The following MTUS1 variants were observed in gnomAD, a reference collection of about 807,000 sequenced individuals.
The protein encoded by MTUS1 is microtubule associated scaffold protein 1.
In MTUS1, 109 loss-of-function variants were observed where a neutral mutation model predicts 120.8. The ratio of observed to expected loss-of-function variants is 0.90; its 90% confidence interval spans 0.77 to 1.06. The LOEUF (loss-of-function observed/expected upper bound fraction) is 1.06, where lower values mean the gene tolerates loss of function less well. Among genes scored for constraint, MTUS1 ranks in the 50% least tolerant of loss-of-function variants. The pLI is 0.00. For synonymous variants in MTUS1, 737 were observed against 550.5 expected, an observed-to-expected ratio of 1.34 and a Z score of -4.74; for missense variants, 2,210 against 1,486.3, an observed-to-expected ratio of 1.49 and a Z score of -8.01.
At chr8:17,769,350 T>G (rs1161239100) in intron 1 of MTUS1, among the ~76,000 whole-genome samples, 1 of 147,820 alleles carries the variant, frequency 6.8e-6, no homozygotes, top group Non-Finnish European at 1.5e-5. Flanking sequence ...TCAGTAATTT[T>G]TTTTTTTTTT....
rs905903746 is a variant in MTUS1, at chr8:17,755,573, C to T, written c.235G>A (p.Val79Ile). 10 of 1,614,092 alleles carry T rather than the reference C, an allele frequency of 6.2e-6. No homozygotes were observed. Among genetic ancestry groups the T allele is most frequent in the Non-Finnish European group, 8.5e-6 (10 of 1,180,038 alleles). ...CTAGAAGACTTTTCATGACCAAATACTTCAACACCCTGAAGGCTTAAAGAA... is the reference window on the plus strand; with the variant it reads ...CTAGAAGACTTTTCATGACCAAATATTTCAACACCCTGAAGGCTTAAAGAA... The part of the protein sequence containing the change: ...NISLSLQGVE[V>I]FGHEKSSSDF... Residue 79 changes from valine to isoleucine, a missense_variant, in exon 2 of 15, where the codon GTA becomes ATA. Physicochemically the swap from Val to Ile is conservative, Grantham distance 29. Coordinates refer to ENST00000693296, the MANE Select transcript of MTUS1 (RefSeq NM_001363059.2).
chr8:17,738,015 T>G (rs983920359), intron 3 of MTUS1, among the ~76,000 whole-genome samples: 1 of 152,172 alleles, frequency 6.6e-6, no homozygotes. Flanking sequence ...GGAAATAACT[T>G]AGCAAGAAAG....
chr8:17,714,541 T>A (rs1347280788), intron 5 of MTUS1, among the ~76,000 whole-genome samples: 1 of 152,128 alleles, frequency 6.6e-6, no homozygotes, highest in East Asian at 1.9e-4. Flanking sequence ...CCAATAAAAG[T>A]CAGAAGTTGC....
Position 17,645,719 on chromosome 8 carries a change from T to G in MTUS1, c.*207A>C. On this transcript the variant is annotated 3_prime_UTR_variant, in exon 15 of 15. Transcript: ENST00000693296. ...CCGAAATCTTTTTTTAAATCTTTTT[T>G]TGGAGGAATCTTTTGGACGGAGGCA... 3.5e-6 allele frequency: 2 copies of G among 563,904 alleles called. No homozygotes were observed. The highest frequency in any genetic ancestry group is 2.9e-6 in the Non-Finnish European group (1 of 349,920). 34.9% of individuals were successfully genotyped at this position (563,904 alleles called of 1,614,324 possible).
Position 17,755,020 on chromosome 8 carries a change from T to C in MTUS1, c.788A>G (p.Gln263Arg). ...GACCTTTCCTGAAGAACATGCACAC[T>C]GATTTCCAATATCTGAAACAAAAAC... ...SEVFVSDIGN[Q>R]CACSSGKVTS... Residue 263 changes from glutamine (Q) to arginine (R), a missense_variant, in exon 2 of 15, where the codon CAG becomes CGG. Transcript: ENST00000693296. The C allele has an allele frequency of 6.2e-7, 1 of 1,614,022 alleles. No individual in the cohort carries two copies. Among genetic ancestry groups the C allele is most frequent in the East Asian group, 2.2e-5 (1 of 44,892 alleles).
chr8:17,777,755 A>G (rs1443683270), intron 1 of MTUS1, among the ~76,000 whole-genome samples: 1 of 152,206 alleles, frequency 6.6e-6, no homozygotes, highest in African/African-American at 2.4e-5. Context: ...ACTTTCCATT[A>G]AGAGTCTCAA....
intron 1 of MTUS1, among the ~76,000 whole-genome samples, chr8:17,787,888 A>C (rs555186119): frequency 3.7e-4 from 56 of 152,372 alleles, no homozygotes; most frequent in African/African-American, 1.3e-3. Flanking sequence ...CGGGAGGCCG[A>C]GGCAGGCGGA....
At chr8:17,798,227 G>C (rs1015258646) in intron 1 of MTUS1, among the ~76,000 whole-genome samples, 1 of 152,102 alleles carries the variant, frequency 6.6e-6, no homozygotes, top group Non-Finnish European at 1.5e-5. Flanking sequence ...GTATATACCA[G>C]GCCCAGTGGC....
intron 7 of MTUS1, among the ~76,000 whole-genome samples, chr8:17,679,487 T>TTTTATTTA (rs869060972): frequency 5.6e-4 from 18 of 32,380 alleles, no homozygotes; most frequent in Admixed American, 9.9e-4. Flanking sequence ...ACTATTTTTA[T>TTTTATTTA]TTTATTTATT....
rs1347010664 is a variant in MTUS1, at chr8:17,645,727, A to ATCTT, written c.*195_*198dup. 1.0e-5 allele frequency: 6 copies of ATCTT among 577,880 alleles called. No individual in the cohort carries two copies. The East Asian group carries it at 2.0e-4, about 19-fold the overall frequency. The allele number at this position is 577,880 out of a possible 1,614,324, so 35.8% of individuals were successfully genotyped here. On this transcript the variant is annotated 3_prime_UTR_variant, in exon 15 of 15. Coordinates refer to ENST00000693296, the MANE Select transcript of MTUS1 (RefSeq NM_001363059.2). ...TTTTTTTAAATCTTTTTTTGGAGGA[A>ATCTT]TCTTTTGGACGGAGGCAAAAGTCTT...
chr8:17,736,583 ATTTTT>A (rs1209402260), intron 3 of MTUS1, among the ~76,000 whole-genome samples: 1 of 150,410 alleles, frequency 6.6e-6, no homozygotes, highest in East Asian at 1.9e-4. Flanking sequence ...ATTTTATTTT[ATTTTT>A]TGCTTGTTTT....
At chr8:17,770,495 T>C (rs1467210466) in intron 1 of MTUS1, 1 of 152,218 alleles carries the variant, frequency 6.6e-6, no homozygotes, top group Admixed American at 6.5e-5. Flanking sequence ...ATTCGAGTTA[T>C]CTGTCCAAAC....
intron 2 of MTUS1, among the ~76,000 whole-genome samples, chr8:17,749,959 C>T (rs530867732): frequency 1.2e-4 from 18 of 152,066 alleles, no homozygotes; most frequent in East Asian, 5.8e-4. Flanking sequence ...TTTTTTGACA[C>T]AAAGAACAAC....
intron 6 of MTUS1, among the ~76,000 whole-genome samples, chr8:17,688,417 A>G (rs541460238): frequency 3.9e-4 from 60 of 152,334 alleles, no homozygotes; most frequent in African/African-American, 1.3e-3. Context: ...TATCTGTAAA[A>G]AGGTGACAGT....
At chr8:17,659,503 T>C (rs1429054456) in intron 8 of MTUS1, among the ~76,000 whole-genome samples, 3 of 152,178 alleles carry the variant, frequency 2.0e-5, no homozygotes, top group Non-Finnish European at 4.4e-5. Flanking sequence ...CAGACCATCC[T>C]GGCCAACATG....
chr8:17,768,170 T>C (rs2049712502), intron 1 of MTUS1, among the ~76,000 whole-genome samples: 1 of 152,240 alleles, frequency 6.6e-6, no homozygotes, highest in African/African-American at 2.4e-5. Context: ...ATAAATAATG[T>C]ATCACATTCT....
intron 8 of MTUS1, among the ~76,000 whole-genome samples, chr8:17,660,861 G>A (rs905114726): frequency 3.9e-5 from 6 of 152,276 alleles, no homozygotes; most frequent in African/African-American, 7.2e-5. Flanking sequence ...GCGACAGAAC[G>A]GTGAGCCTTG....
At chr8:17,791,714 G>A (rs1207566858) in intron 1 of MTUS1, among the ~76,000 whole-genome samples, 1 of 152,134 alleles carries the variant, frequency 6.6e-6, no homozygotes, top group Middle Eastern at 3.2e-3. Context: ...TTCCTCCTAA[G>A]GAAGAGGGAA....
Position 17,684,543 on chromosome 8 carries a change from C to T in MTUS1, c.2624-1G>A. The T allele has an allele frequency of 3.7e-6, 6 of 1,612,222 alleles. No homozygotes were observed. The highest frequency in any genetic ancestry group is 1.3e-5 in the African/African-American group (1 of 75,024). ...GGATTCTTTTGCCTGCTCTTTTCAA[C>T]TGCAAAACGAATTAACATAGGTACA... On this transcript the variant is annotated splice_acceptor_variant, in intron 6 of 14. Coordinates refer to ENST00000693296, the MANE Select transcript of MTUS1 (RefSeq NM_001363059.2). LOFTEE classifies it high-confidence loss of function.
Sources: gnomAD v4.1 joint callset for allele counts (sites outside exome capture counted in the v4.1 genomes callset) on GRCh38, gnomAD v4.1.1 for gene constraint, MANE v1.5 for transcripts, NCBI Gene and HGNC (gene_info 2026-07-23, HGNC 2026-07-21) for gene names.